LCA5: variants seen among roughly 807,000 people sequenced by gnomAD.
The protein encoded by LCA5 is lebercilin LCA5.
Under a neutral mutation model 53.0 loss-of-function variants are expected in LCA5, and 37 were observed. That is an observed-to-expected ratio of 0.70 (90% CI 0.54 to 0.92). LCA5 has a LOEUF of 0.92. Ranked by LOEUF, LCA5 falls within the 40% of genes least tolerant of loss-of-function variation. LCA5 has a pLI of 0.00. For missense variants in LCA5, 806 were observed against 790.5 expected (o/e 1.02, Z -0.23); for synonymous variants, 303 against 282.9 (o/e 1.07, Z -0.71).
chr6:79,512,177 C>T lies in LCA5; in HGVS notation c.720+1035G>A, dbSNP rs554310572. The stretch of plus-strand genomic sequence containing the variant: ...GTTGTTTACGGTAACTGTTCTGAGT[C>T]CCCACTCCTACCCTACTTCATGGGT... On this transcript the variant is annotated intron_variant, in intron 3 of 7. Coordinates refer to ENST00000369846, the MANE Select transcript of LCA5 (RefSeq NM_001122769.3). 3.9e-5 allele frequency among the ~76,000 whole-genome samples: 6 copies of T among 152,188 alleles called. No homozygotes were observed. The East Asian group carries it at 1.2e-3, about 29-fold the overall frequency.
intron 1 of LCA5, among the ~76,000 whole-genome samples, chr6:79,524,545 A>G (rs1766724012): frequency 6.6e-6 from 1 of 152,136 alleles, no homozygotes; most frequent in Admixed American, 6.5e-5. Context: ...TATCAGCATT[A>G]TTTGTGACAC....
At chr6:79,492,521 T>C in intron 5 of LCA5, 30 bp downstream of exon 5, 1 of 1,042,268 alleles carries the variant, frequency 9.6e-7, no homozygotes, top group Non-Finnish European at 1.5e-6. Context: ...AGCAATAATA[T>C]CAGTTTTTGA....
chr6:79,510,580 T>G (rs1770385901), intron 3 of LCA5, among the ~76,000 whole-genome samples: 1 of 152,162 alleles, frequency 6.6e-6, no homozygotes, highest in Non-Finnish European at 1.5e-5. Flanking sequence ...GAGATGTATC[T>G]GCTAAACTGA....
chr6:79,536,910 C>A (rs2127693935), intron 1 of LCA5, among the ~76,000 whole-genome samples: 1 of 152,242 alleles, frequency 6.6e-6, no homozygotes, highest in Non-Finnish European at 1.5e-5. Flanking sequence ...CTTCCCAGTC[C>A]CCCCAGTGCC....
chr6:79,493,548 G>T, intron 4 of LCA5, 65 bp downstream of exon 4: 2 of 1,413,944 alleles, frequency 1.4e-6, no homozygotes, highest in South Asian at 1.2e-5. Flanking sequence ...AACATTTAGT[G>T]TTTTAAAATA....
At chr6:79,538,018 GTTTTTTTTTTTTTTTTTTTTTT>G (rs869197362), upstream of LCA5, among the ~76,000 whole-genome samples, 24 of 44,164 alleles carry the variant, frequency 5.4e-4, no homozygotes, top group Admixed American at 3.8e-4. Context: ...TTGCACACAA[GTTTTTTTTTTTTTTTTTTTTTT>G]TTTTTTTTTT....
chr6:79,497,494 C>T lies in LCA5; in HGVS notation c.721-3744G>A, dbSNP rs541269880. 8.1e-4 allele frequency among the ~76,000 whole-genome samples: 123 copies of T among 152,038 alleles called. 2 individuals carry two copies. The South Asian group carries it at 0.023, about 28-fold the overall frequency. ...TACACAATGAAACATAAGAGAAATA[C>T]GAAGTTAAGGATATTCTATTAAATG... On this transcript the variant is annotated intron_variant, in intron 3 of 7. Coordinates refer to ENST00000369846, the MANE Select transcript of LCA5 (RefSeq NM_001122769.3).
chr6:79,494,675 T>C (rs1351586186), intron 3 of LCA5, among the ~76,000 whole-genome samples: 1 of 152,178 alleles, frequency 6.6e-6, no homozygotes, highest in Non-Finnish European at 1.5e-5. Flanking sequence ...AAACCATAAA[T>C]ACCTAAGTCA....
chr6:79,534,139 G>C (rs62413363), intron 1 of LCA5, among the ~76,000 whole-genome samples: 1 of 149,802 alleles, frequency 6.7e-6, no homozygotes, highest in African/African-American at 2.4e-5. Context: ...ATGTCCCCAC[G>C]TATTTATAAG....
chr6:79,487,985 A>C, intron 7 of LCA5, 119 bp from the exon 8 acceptor site: 1 of 774,208 alleles, frequency 1.3e-6, no homozygotes, highest in Non-Finnish European at 2.1e-6. Context: ...TCAAGTGAGA[A>C]AAGACATCAT....
At chr6:79,527,733 C>G (rs1036769308) in intron 1 of LCA5, among the ~76,000 whole-genome samples, 1 of 152,172 alleles carries the variant, frequency 6.6e-6, no homozygotes, top group Non-Finnish European at 1.5e-5. Flanking sequence ...CTATACTCAT[C>G]ACCATTAACA....
chr6:79,505,384 C>A (rs1165035250), intron 3 of LCA5, among the ~76,000 whole-genome samples: 2 of 152,018 alleles, frequency 1.3e-5, no homozygotes, highest in African/African-American at 4.8e-5. Flanking sequence ...AGCAATTATT[C>A]TTTTCAACAA....
intron 3 of LCA5, among the ~76,000 whole-genome samples, chr6:79,501,025 T>G (rs1331537501): frequency 2.0e-5 from 3 of 152,164 alleles, no homozygotes; most frequent in Non-Finnish European, 4.4e-5. Context: ...CATAGTGGGT[T>G]AACTTCTTCC....
chr6:79,485,830 C>G lies in LCA5; in HGVS notation c.*1174G>C, dbSNP rs1252547124. 6.6e-6 allele frequency: 1 copy of G among 152,132 alleles called. No homozygotes were observed. The highest frequency in any genetic ancestry group is 1.9e-4 in the East Asian group (1 of 5,198). 9.4% of individuals were successfully genotyped at this position (152,132 alleles called of 1,614,324 possible). ...ATTTTAACAATGTTTTCTCCTTGGG[C>G]TGGTGGTATATTACTGCTTTTTAAA... On this transcript the variant is annotated 3_prime_UTR_variant, in exon 8 of 8. Transcript: ENST00000369846.
intron 6 of LCA5, among the ~76,000 whole-genome samples, chr6:79,491,297 A>C (rs964959898): frequency 6.6e-6 from 1 of 152,012 alleles, no homozygotes; most frequent in Non-Finnish European, 1.5e-5. Context: ...TTATTATTAT[A>C]CTTTAAGTTT....
chr6:79,497,389 G>A (rs1770008587), intron 3 of LCA5, among the ~76,000 whole-genome samples: 1 of 152,146 alleles, frequency 6.6e-6, no homozygotes, highest in Non-Finnish European at 1.5e-5. Context: ...GACATCATGT[G>A]GCTCCAGATG....
At chr6:79,513,784 AAC>A (rs1562106906) in intron 2 of LCA5, 43 bp from the exon 3 acceptor site, 3 of 1,581,158 alleles carry the variant, frequency 1.9e-6, no homozygotes, top group East Asian at 2.2e-5. Flanking sequence ...AGCTGTACCA[AAC>A]ACAGTGTTAT....
intron 1 of LCA5, among the ~76,000 whole-genome samples, chr6:79,530,502 C>T (rs1490072834): frequency 6.6e-6 from 1 of 152,108 alleles, no homozygotes; most frequent in East Asian, 1.9e-4. Context: ...TACCCCTGAA[C>T]TTAAAAGTTT....
intron 1 of LCA5, 44 bp from the exon 2 acceptor site, chr6:79,519,129 A>G (rs1766544915): frequency 5.4e-6 from 3 of 553,772 alleles, no homozygotes; most frequent in Admixed American, 3.1e-5. Context: ...TACAGTCTCT[A>G]CAGTTTCTAC....
Sources: gnomAD v4.1 joint callset for allele counts (sites outside exome capture counted in the v4.1 genomes callset) on GRCh38, gnomAD v4.1.1 for gene constraint, MANE v1.5 for transcripts, NCBI Gene and HGNC (gene_info 2026-07-23, HGNC 2026-07-21) for gene names.